The following NPLOC4 variants were observed in gnomAD, a reference collection of about 807,000 sequenced individuals.
NPLOC4 encodes NPL4 homolog, ubiquitin recognition factor, also known as nuclear protein localization protein 4 homolog.
In NPLOC4, 18 loss-of-function variants were observed where a neutral mutation model predicts 80.6. The observed-to-expected ratio is 0.22, with a 90% CI of 0.15 to 0.33. The LOEUF (loss-of-function observed/expected upper bound fraction) is 0.33. NPLOC4 is among the 10% of genes least tolerant of loss of function. The pLI is 1.00. For missense variants in NPLOC4, 540 were observed against 786.1 expected (o/e 0.69, Z 3.74); for synonymous variants, 313 against 301.5 (o/e 1.04, Z -0.39).
At position 81,573,621 on chromosome 17, in the gene NPLOC4, T is replaced by A. The variant is rs1264824385; in HGVS notation, c.1282-1533A>T. 4 of 152,346 alleles carry A rather than the reference T, an allele frequency of 2.6e-5. No individual in the cohort carries two copies. In the East Asian group the frequency reaches 5.8e-4, roughly 22 times the overall value. 9.4% of individuals were successfully genotyped at this position (152,346 alleles called of 1,614,324 possible). ...GTCTTAAAAAATAATAAAAAATTTT[T>A]AAATTCAATTTCTGGCCTGAAATGT... is the stretch of plus-strand genomic sequence containing the variant. On this transcript the variant is annotated intron_variant, in intron 12 of 16. Transcript: ENST00000331134.
intron 16 of NPLOC4, chr17:81,564,083 A>AAAACACACAC: frequency 3.7e-6 from 1 of 273,606 alleles, no homozygotes. Context: ...TCCAGCTCAA[A>AAAACACACAC]ACACACACAC....
At chr17:81,627,532 G>A (rs565810203) in intron 2 of NPLOC4, among the ~76,000 whole-genome samples, 2 of 152,198 alleles carry the variant, frequency 1.3e-5, no homozygotes, top group East Asian at 1.9e-4. Context: ...CTGAGGTCAG[G>A]AGTTCGAGAC....
At chr17:81,562,392 A>C (rs2033877420) in intron 16 of NPLOC4, 1 of 152,170 alleles carries the variant, frequency 6.6e-6, no homozygotes, top group Non-Finnish European at 1.5e-5. Context: ...TAAAAAAATT[A>C]GCTGGGTGTG....
chr17:81,631,421 C>CATATATATATAT (rs1415379403), intron 1 of NPLOC4, among the ~76,000 whole-genome samples: 24 of 49,430 alleles, frequency 4.9e-4, no homozygotes, highest in African/African-American at 2.6e-3. Context: ...TTAAAGTGTA[C>CATATATATATAT]ATATATATAT....
At chr17:81,634,320 C>A (rs1298872396) in intron 1 of NPLOC4, among the ~76,000 whole-genome samples, 1 of 151,900 alleles carries the variant, frequency 6.6e-6, no homozygotes, top group African/African-American at 2.4e-5. Flanking sequence ...TTCAAAAGAT[C>A]TCTTTCTTAA....
intron 12 of NPLOC4, among the ~76,000 whole-genome samples, chr17:81,576,839 C>T (rs1002259315): frequency 3.3e-5 from 5 of 152,182 alleles, no homozygotes; most frequent in African/African-American, 1.2e-4. Context: ...CCTGCCTGGT[C>T]CTTGCCAGAG....
At chr17:81,586,502 C>T (rs917614912) in intron 12 of NPLOC4, among the ~76,000 whole-genome samples, 5 of 151,022 alleles carry the variant, frequency 3.3e-5, no homozygotes, top group East Asian at 1.9e-4. Flanking sequence ...CCCAACTACT[C>T]GGGAGGCTGA....
intron 3 of NPLOC4, among the ~76,000 whole-genome samples, chr17:81,619,236 G>A (rs1438658746): frequency 6.6e-6 from 1 of 151,738 alleles, no homozygotes; most frequent in Non-Finnish European, 1.5e-5. Context: ...AATTAGCCGG[G>A]CATGTTGGCG....
intron 8 of NPLOC4, among the ~76,000 whole-genome samples, chr17:81,602,658 T>TG (rs1200004670): frequency 1.3e-5 from 2 of 149,882 alleles, no homozygotes; most frequent in African/African-American, 4.9e-5. Context: ...GTGGAGATCA[T>TG]GCCACTGCAC....
At chr17:81,591,125 G>C (rs1362984523) in intron 11 of NPLOC4, among the ~76,000 whole-genome samples, 1 of 152,190 alleles carries the variant, frequency 6.6e-6, no homozygotes, top group African/African-American at 2.4e-5. Context: ...GCAGACATCT[G>C]GTTAGGACAC....
At chr17:81,564,805 A>C (rs966798229) in intron 16 of NPLOC4, 4 of 149,632 alleles carry the variant, frequency 2.7e-5, no homozygotes, top group Non-Finnish European at 2.9e-5. Flanking sequence ...AAAAAAAAAA[A>C]CAGGAAATGG....
chr17:81,561,547 G>C (rs561305552), intron 16 of NPLOC4, among the ~76,000 whole-genome samples: 1 of 152,162 alleles, frequency 6.6e-6, no homozygotes, highest in Non-Finnish European at 1.5e-5. Flanking sequence ...GAATCTTTGC[G>C]TACCCCAAGG....
intron 2 of NPLOC4, among the ~76,000 whole-genome samples, chr17:81,626,279 G>A (rs1343422291): frequency 1.3e-5 from 2 of 150,434 alleles, no homozygotes; most frequent in African/African-American, 4.9e-5. Context: ...TCGCGCCACT[G>A]CACTCCAGCC....
At chr17:81,608,458 C>T (rs1481932011) in intron 6 of NPLOC4, among the ~76,000 whole-genome samples, 1 of 152,186 alleles carries the variant, frequency 6.6e-6, no homozygotes, top group East Asian at 1.9e-4. Flanking sequence ...CACCTGTAAT[C>T]CAGCACTTTG....
chr17:81,608,409 C>T (rs2035259325), intron 6 of NPLOC4, among the ~76,000 whole-genome samples: 1 of 152,180 alleles, frequency 6.6e-6, no homozygotes, highest in African/African-American at 2.4e-5. Flanking sequence ...GCCTTGCTAG[C>T]TCCCTTCTAG....
intron 12 of NPLOC4, among the ~76,000 whole-genome samples, chr17:81,584,432 C>T (rs2034521763): frequency 6.6e-6 from 1 of 152,188 alleles, no homozygotes; most frequent in Non-Finnish European, 1.5e-5. Context: ...ATAAAAAAGC[C>T]AATTTCCAAT....
At chr17:81,618,228 C>G (rs575156624) in intron 3 of NPLOC4, among the ~76,000 whole-genome samples, 19 of 151,958 alleles carry the variant, frequency 1.3e-4, no homozygotes, top group African/African-American at 4.1e-4. Flanking sequence ...CTCTTTCCGG[C>G]CGCCATCCCA....
chr17:81,621,473 G>A lies in NPLOC4; in HGVS notation c.209+693C>T, dbSNP rs533526313. Among the ~76,000 whole-genome samples the A allele has an allele frequency of 6.6e-5, 10 of 152,248 alleles. No homozygotes were observed. The East Asian group carries it at 1.3e-3, about 21-fold the overall frequency. ...CACAGCACATGCAACCTGCAGCGTC[G>A]AGAGGAAAACTGGCCACTAGCTCCT... On this transcript the variant is annotated intron_variant, in intron 3 of 16. Transcript: ENST00000331134.
chr17:81,570,610 T>C (rs1465332122), intron 13 of NPLOC4, among the ~76,000 whole-genome samples: 2 of 152,180 alleles, frequency 1.3e-5, no homozygotes, highest in African/African-American at 4.8e-5. Flanking sequence ...CATCTTACAC[T>C]GAAGCCATTT....
Sources: gnomAD v4.1 joint callset for allele counts (sites outside exome capture counted in the v4.1 genomes callset) on GRCh38, gnomAD v4.1.1 for gene constraint, MANE v1.5 for transcripts, NCBI Gene and HGNC (gene_info 2026-07-23, HGNC 2026-07-21) for gene names.